The following NUP214 variants were observed in gnomAD, a reference collection of about 807,000 sequenced individuals.
The protein encoded by NUP214 is nuclear pore complex protein Nup214.
Under a neutral mutation model 196.2 loss-of-function variants are expected in NUP214, and 79 were observed. That is an observed-to-expected ratio of 0.40 (90% CI 0.34 to 0.49). The LOEUF (loss-of-function observed/expected upper bound fraction) is 0.49. NUP214 is among the 20% of genes least tolerant of loss of function. The pLI, the probability that NUP214 is intolerant of heterozygous loss-of-function variation, is 0.58. For missense variants in NUP214, 2,468 were observed against 2,539.0 expected, an observed-to-expected ratio of 0.97 and a Z score of 0.60; for synonymous variants, 1,020 against 990.5, an observed-to-expected ratio of 1.03 and a Z score of -0.56.
intron 30 of NUP214, among the ~76,000 whole-genome samples, chr9:131,209,430 G>A (rs993769735): frequency 3.7e-4 from 56 of 152,162 alleles, no homozygotes; most frequent in East Asian, 9.7e-4. Flanking sequence ...TTGCTCTGTC[G>A]CCCATGCTGG....
intron 17 of NUP214, among the ~76,000 whole-genome samples, chr9:131,155,655 A>G (rs1260326353): frequency 6.6e-6 from 1 of 152,184 alleles, no homozygotes; most frequent in African/African-American, 2.4e-5. Flanking sequence ...TGATTTTTGT[A>G]TAAGGTGAGA....
intron 24 of NUP214, among the ~76,000 whole-genome samples, chr9:131,182,340 G>A (rs561235768): frequency 3.3e-5 from 5 of 152,342 alleles, no homozygotes; most frequent in East Asian, 1.9e-4. Context: ...GCAGGTGAGC[G>A]GCAGGCAAGT....
At chr9:131,200,137 G>A (rs1306570680) in intron 29 of NUP214, among the ~76,000 whole-genome samples, 3 of 152,192 alleles carry the variant, frequency 2.0e-5, no homozygotes, top group East Asian at 3.8e-4. Flanking sequence ...GCACAGGCAT[G>A]GTCATACTAT....
chr9:131,224,709 G>A (rs1398680624), intron 32 of NUP214, among the ~76,000 whole-genome samples: 1 of 152,096 alleles, frequency 6.6e-6, no homozygotes, highest in Non-Finnish European at 1.5e-5. Flanking sequence ...TGTTAATACT[G>A]TTTTCCTAGA....
Position 131,144,412 on chromosome 9 carries a change from GT to G in NUP214, c.1428del (p.Gly477GlufsTer13). The G allele has an allele frequency of 1.2e-6, 2 of 1,614,040 alleles. No homozygotes were observed. Among genetic ancestry groups the G allele is most frequent in the Non-Finnish European group, 1.7e-6 (2 of 1,179,990 alleles). On this transcript the variant is annotated frameshift_variant, in exon 12 of 36. Coordinates refer to ENST00000359428, the MANE Select transcript of NUP214 (RefSeq NM_005085.4). LOFTEE classifies it high-confidence loss of function. ...PIATFSLLPA[G>X]GAPTVFSFGS... ...GCCACTTTTTCTTTGCTTCCTGCTG[GT>G]GGAGCCCCCACTGTGTTCTCCTTTG...
chr9:131,216,768 C>G (rs1418546617), intron 31 of NUP214, among the ~76,000 whole-genome samples: 1 of 152,014 alleles, frequency 6.6e-6, no homozygotes, highest in Non-Finnish European at 1.5e-5. Context: ...CTCAGGTGAT[C>G]CGCCCACCTC....
Position 131,232,333 on chromosome 9 carries a change from C to T in NUP214, c.6239+25C>T, listed in dbSNP as rs189264573. 41 of 1,607,386 alleles carry T rather than the reference C, an allele frequency of 2.6e-5. No homozygotes were observed. The East Asian group carries it at 8.2e-4, about 32-fold the overall frequency. ...CGTAAGTATCCCCCTTTTTGAGTCT[C>T]ACCTTAATTAAAAGCATTAAATAAG... On this transcript the variant is annotated intron_variant, in intron 35 of 35. Transcript: ENST00000359428. This position sits in a 1 kb window ranked among gnomAD's most constrained non-coding sequence, Gnocchi z 5.1.
chr9:131,198,365 T>C lies in NUP214; in HGVS notation c.4871T>C (p.Val1624Ala), dbSNP rs1298360708. 12 of 1,614,112 alleles carry C rather than the reference T, an allele frequency of 7.4e-6. No homozygotes were observed. Among genetic ancestry groups the C allele is most frequent in the Non-Finnish European group, 1.0e-5 (12 of 1,180,034 alleles). Residue 1624 changes from valine to alanine, a missense_variant, in exon 29 of 36, where the codon GTT becomes GCT. Around this residue, in one of 5 missense-constraint regions of NUP214, gnomAD observed 1,801 missense variants for 1,779.4 expected, o/e 1.01. Coordinates refer to ENST00000359428, the MANE Select transcript of NUP214 (RefSeq NM_005085.4). ...ATAGCCTCCAGCACCACGTCCATTG[T>C]TGCTCCCGGCCCATCTGCAGAGGCA... is the stretch of plus-strand genomic sequence containing the variant. The part of the protein sequence containing the change: ...TPIASSTTSI[V>A]APGPSAEAAA...
In NUP214 at chr9:131,144,334, C is replaced by G. The variant is rs1191292210; in HGVS notation, c.1349C>G (p.Ser450Cys). The G allele has an allele frequency of 2.5e-6, 4 of 1,614,062 alleles. No individual in the cohort carries two copies. In the South Asian group the frequency reaches 3.3e-5, roughly 13 times the overall value. Residue 450 changes from serine (S) to cysteine (C), a missense_variant, in exon 12 of 36, where the codon TCT (serine) becomes TGT (cysteine). Coordinates refer to ENST00000359428, the MANE Select transcript of NUP214 (RefSeq NM_005085.4). ...SSQAPQKLDA[S>C]AAAAPASLPP... is the part of the protein sequence containing the mutation. ...CAAGCCCCACAGAAACTGGATGCTT[C>G]TGCAGCTGCAGCCCCTGCCTCTCTG...
At chr9:131,199,781 T>C (rs1477712776) in intron 29 of NUP214, among the ~76,000 whole-genome samples, 3 of 152,238 alleles carry the variant, frequency 2.0e-5, no homozygotes, top group Non-Finnish European at 4.4e-5. Flanking sequence ...AATGATTTCA[T>C]GGTGGGCAAG....
intron 23 of NUP214, 134 bp from the exon 24 acceptor site, chr9:131,178,177 A>G: frequency 1.5e-6 from 1 of 656,602 alleles, no homozygotes; most frequent in Admixed American, 2.4e-5. Flanking sequence ...AGAACTACCT[A>G]GAGTAGATTT....
chr9:131,200,215 C>G (rs1293021782), intron 29 of NUP214, among the ~76,000 whole-genome samples: 1 of 152,232 alleles, frequency 6.6e-6, no homozygotes, highest in African/African-American at 2.4e-5. Context: ...GGTATCTGAG[C>G]TGTCTACTTC....
intron 6 of NUP214, 23 bp from the exon 7 acceptor site, chr9:131,133,083 A>T (rs1003820575): frequency 1.3e-6 from 2 of 1,550,400 alleles, no homozygotes. Context: ...TTTATGAGCT[A>T]CTGATTAAGA....
Position 131,187,382 on chromosome 9 carries a change from AC to A in NUP214, c.3495+19del. ...CCAAGCAGGTAACTTACTGATTTTT[AC>A]TTTTTTTTTTTTTTTTTTTTTGAGA... On this transcript the variant is annotated intron_variant, in intron 25 of 35. Coordinates refer to ENST00000359428, the MANE Select transcript of NUP214 (RefSeq NM_005085.4). 39 of 1,304,240 alleles carry A rather than the reference AC, an allele frequency of 3.0e-5. No homozygotes were observed. The highest frequency in any genetic ancestry group is 3.5e-5 in the Non-Finnish European group (34 of 976,556). 80.8% of individuals were successfully genotyped at this position (1,304,240 alleles called of 1,614,324 possible).
chr9:131,151,669 T>C, intron 16 of NUP214, 67 bp from the exon 17 acceptor site: 1 of 1,309,458 alleles, frequency 7.6e-7, no homozygotes, highest in Non-Finnish European at 1.1e-6. Flanking sequence ...ACCACCTTCC[T>C]TGATCCAAAC....
rs903523052 is a variant in NUP214 at position 131,134,785 on chromosome 9, T to A, written c.832-113T>A. 4.3e-6 allele frequency: 3 copies of A among 698,480 alleles called. No individual in the cohort carries two copies. In the African/African-American group the frequency reaches 5.4e-5, roughly 12 times the overall value. 43.3% of individuals were successfully genotyped at this position (698,480 alleles called of 1,614,324 possible). A position where few individuals can be genotyped will look rare whatever the true frequency, so the allele number is the denominator to read the frequency against. ...TATACCATGTCCGTATATCTGGACT[T>A]TGAGTAAATATTCTCATATAACTTT... is the stretch of plus-strand genomic sequence containing the variant. On this transcript the variant is annotated intron_variant, in intron 7 of 35. Coordinates refer to ENST00000359428, the MANE Select transcript of NUP214 (RefSeq NM_005085.4).
At chr9:131,130,139 T>TTTG (rs1831493874) in intron 4 of NUP214, among the ~76,000 whole-genome samples, 1 of 99,880 alleles carries the variant, frequency 1.0e-5, no homozygotes. Flanking sequence ...CTGGTTTTGT[T>TTTG]TTTTTTTTTT....
chr9:131,185,411 A>G (rs575406517), intron 24 of NUP214, among the ~76,000 whole-genome samples: 13 of 152,344 alleles, frequency 8.5e-5, no homozygotes, highest in South Asian at 2.1e-4. Flanking sequence ...TGTCAGTGTC[A>G]TTTGTAGACT....
In NUP214 at chr9:131,184,536, A is replaced by G. The variant is rs143347707; in HGVS notation, c.3420-2753A>G. On this transcript the variant is annotated intron_variant, in intron 24 of 35. Coordinates refer to ENST00000359428, the MANE Select transcript of NUP214 (RefSeq NM_005085.4). ...TTTTTAGTAGAGACGGAGTTTCACC[A>G]TGTTGGCCAGGCTGGTCTCGAACTC... is the stretch of plus-strand genomic sequence containing the variant. Among the ~76,000 whole-genome samples, 1,233 of 151,622 alleles carry G rather than the reference A, an allele frequency of 8.1e-3. 14 individuals carry two copies. The highest frequency in any genetic ancestry group is 0.029 in the African/African-American group (1,183 of 41,294).
Sources: gnomAD v4.1 joint callset for allele counts (sites outside exome capture counted in the v4.1 genomes callset) on GRCh38, gnomAD v4.1.1 for gene constraint, gnomAD v4.1.1 regional missense constraint, Gnocchi (gnomAD v3.1) non-coding constraint, MANE v1.5 for transcripts, NCBI Gene and HGNC (gene_info 2026-07-23, HGNC 2026-07-21) for gene names.